The following KIAA0319L variants were observed in gnomAD, a reference collection of about 807,000 sequenced individuals.
KIAA0319L encodes dyslexia-associated protein KIAA0319-like protein.
In KIAA0319L, 55 loss-of-function variants were observed where a neutral mutation model predicts 120.1. That is an observed-to-expected ratio of 0.46 (90% CI 0.37 to 0.57). The LOEUF (loss-of-function observed/expected upper bound fraction) is 0.57. Among genes scored for constraint, KIAA0319L ranks in the 20% least tolerant of loss-of-function variants. KIAA0319L has a pLI of 0.00. For synonymous variants in KIAA0319L, 398 were observed against 471.9 expected, an observed-to-expected ratio of 0.84 and a Z score of 2.03; for missense variants, 1,049 against 1,255.3, an observed-to-expected ratio of 0.84 and a Z score of 2.48.
chr1:35,462,855 A>T, intron 7 of KIAA0319L, 142 bp from the exon 8 acceptor site: 1 of 638,000 alleles, frequency 1.6e-6, no homozygotes, highest in Non-Finnish European at 2.7e-6. Flanking sequence ...GTTTTGTGGA[A>T]GACAATTTTT....
chr1:35,501,422 C>A (rs1645001253), intron 3 of KIAA0319L, among the ~76,000 whole-genome samples: 1 of 152,184 alleles, frequency 6.6e-6, no homozygotes. Context: ...CCTGTGAAAA[C>A]CTCTTCTCCT....
At chr1:35,494,142 A>T (rs1238402374) in intron 3 of KIAA0319L, among the ~76,000 whole-genome samples, 3 of 152,148 alleles carry the variant, frequency 2.0e-5, no homozygotes, top group African/African-American at 7.2e-5. Flanking sequence ...AGTTTTAAAC[A>T]TCATCTGATT....
At chr1:35,521,730 T>C in intron 2 of KIAA0319L, among the ~76,000 whole-genome samples, 1 of 151,332 alleles carries the variant, frequency 6.6e-6, no homozygotes, top group African/African-American at 2.4e-5. Context: ...CCCAGCACTT[T>C]GGGAGGCCAA....
At chr1:35,478,230 T>C (rs1467072404) in intron 4 of KIAA0319L, among the ~76,000 whole-genome samples, 1 of 142,734 alleles carries the variant, frequency 7.0e-6, no homozygotes, top group Non-Finnish European at 1.5e-5. Flanking sequence ...GAGTAATGGT[T>C]AGATAGATGG....
chr1:35,554,465 T>C lies in KIAA0319L; in HGVS notation c.27A>G (p.Pro9=). 6.2e-7 allele frequency: 1 copy of C among 1,613,192 alleles called. No homozygotes were observed. The highest frequency in any genetic ancestry group is 8.5e-7 in the Non-Finnish European group (1 of 1,179,792). The change falls in exon 2 of 21, where the codon CCA becomes CCG. Residue 9 remains proline (P), a synonymous_variant. Transcript: ENST00000325722. Reference sequence around the variant, plus strand: ...CTGATAAAATCCAGGAAGCAGGATTTGGCTTGACTCCCAGCCTCTTCTCCA... The same window carrying C: ...CTGATAAAATCCAGGAAGCAGGATTCGGCTTGACTCCCAGCCTCTTCTCCA... The part of the protein sequence containing the change: MEKRLGVK[P]NPASWILSGY...
chr1:35,435,087 G>T lies in KIAA0319L; in HGVS notation c.2963-6C>A. On this transcript the variant is annotated splice_polypyrimidine_tract_variant and splice_region_variant and intron_variant, in intron 20 of 20. Transcript: ENST00000325722. ...AAGGCCTTTCTGTTTGATGCCTGCA[G>T]GGAAAACAAGGAATCCAGCATCAGG... 6 of 1,612,964 alleles carry T rather than the reference G, an allele frequency of 3.7e-6. No homozygotes were observed. Among genetic ancestry groups the T allele is most frequent in the Non-Finnish European group, 5.1e-6 (6 of 1,179,270 alleles).
intron 2 of KIAA0319L, among the ~76,000 whole-genome samples, chr1:35,551,798 A>G (rs1456172472): frequency 6.6e-6 from 1 of 152,156 alleles, no homozygotes; most frequent in East Asian, 1.9e-4. Context: ...TTTCTAAAAT[A>G]GAACTGGCAT....
intron 9 of KIAA0319L, among the ~76,000 whole-genome samples, chr1:35,458,302 G>A (rs1449239281): frequency 6.6e-6 from 1 of 152,084 alleles, no homozygotes; most frequent in East Asian, 1.9e-4. Flanking sequence ...ATAGACAGAC[G>A]GCAAAATGGC....
chr1:35,543,090 G>A (rs1420762676), intron 2 of KIAA0319L, among the ~76,000 whole-genome samples: 1 of 152,202 alleles, frequency 6.6e-6, no homozygotes, highest in Admixed American at 6.5e-5. Context: ...AAGTGTTTAA[G>A]CAAGACACAG....
intron 7 of KIAA0319L, among the ~76,000 whole-genome samples, chr1:35,463,177 T>C (rs992702021): frequency 6.6e-6 from 1 of 152,166 alleles, no homozygotes; most frequent in Non-Finnish European, 1.5e-5. Flanking sequence ...CATTACATAA[T>C]TAATGATTGA....
intron 2 of KIAA0319L, among the ~76,000 whole-genome samples, chr1:35,519,239 T>C (rs192365683): frequency 6.6e-6 from 1 of 152,210 alleles, no homozygotes; most frequent in African/African-American, 2.4e-5. Flanking sequence ...GAAACTAGAA[T>C]ACTCAAACAA....
chr1:35,501,083 T>C (rs1304175790), intron 3 of KIAA0319L, among the ~76,000 whole-genome samples: 1 of 152,144 alleles, frequency 6.6e-6, no homozygotes, highest in Non-Finnish European at 1.5e-5. Context: ...CCCTCATGTC[T>C]ATCCACTCTC....
rs1279998969 is a variant in KIAA0319L, at chr1:35,437,255, C to A, written c.2963-2174G>T. Among the ~76,000 whole-genome samples the A allele has an allele frequency of 6.6e-6, 1 of 152,194 alleles. No homozygotes were observed. Among genetic ancestry groups the A allele is most frequent in the Non-Finnish European group, 1.5e-5 (1 of 68,030 alleles). Reference sequence around the variant, plus strand: ...AGCGCGGCACTTCTCCGGGCCATCACCGCCCGTTTCTCCCCTCCTGCCTCA... The same window carrying A: ...AGCGCGGCACTTCTCCGGGCCATCAACGCCCGTTTCTCCCCTCCTGCCTCA... On this transcript the variant is annotated intron_variant, in intron 20 of 20. Transcript: ENST00000325722. This position sits in a 1 kb window ranked among gnomAD's most constrained non-coding sequence, Gnocchi z 4.1.
At chr1:35,520,559 A>AT (rs1027671935) in intron 2 of KIAA0319L, among the ~76,000 whole-genome samples, 1 of 152,000 alleles carries the variant, frequency 6.6e-6, no homozygotes, top group South Asian at 2.1e-4. Context: ...ACACCCAGCT[A>AT]TTTTTTTATG....
Position 35,534,873 on chromosome 1 carries a change from A to G in KIAA0319L, c.142+19477T>C, listed in dbSNP as rs1175007755. 2.6e-4 allele frequency among the ~76,000 whole-genome samples: 38 copies of G among 148,934 alleles called. 1 individual carries two copies. Among genetic ancestry groups the G allele is most frequent in the South Asian group, 2.1e-3 (10 of 4,784 alleles). ...GACTCCGTCTCAAAAAAAAAAAAAA[A>G]AAAAAAAAAAGAAAGAAAAACAATC... On this transcript the variant is annotated intron_variant, in intron 2 of 20. Transcript: ENST00000325722.
chr1:35,446,103 A>C (rs1464964690), intron 16 of KIAA0319L, among the ~76,000 whole-genome samples: 2 of 152,136 alleles, frequency 1.3e-5, no homozygotes, highest in Non-Finnish European at 1.5e-5. Flanking sequence ...TTTCCATTCT[A>C]GGTACCCAGA....
chr1:35,545,317 G>C (rs1248444201), intron 2 of KIAA0319L, among the ~76,000 whole-genome samples: 1 of 152,060 alleles, frequency 6.6e-6, no homozygotes, highest in Non-Finnish European at 1.5e-5. Context: ...ACACCAGAAA[G>C]GCCTCACCTT....
At chr1:35,483,842 A>G (rs1346287751) in intron 3 of KIAA0319L, among the ~76,000 whole-genome samples, 1 of 152,216 alleles carries the variant, frequency 6.6e-6, no homozygotes, top group East Asian at 1.9e-4. Context: ...AGGTGTTGGC[A>G]GGGCCATACT....
intron 3 of KIAA0319L, among the ~76,000 whole-genome samples, chr1:35,482,887 G>T (rs1644232620): frequency 1.3e-5 from 2 of 152,174 alleles, no homozygotes; most frequent in African/African-American, 4.8e-5. Flanking sequence ...GTGTATTTCA[G>T]TTATCATATA....
Sources: allele counts gnomAD v4.1 joint callset (sites outside exome capture counted in the v4.1 genomes callset), GRCh38; gene constraint gnomAD v4.1.1; non-coding constraint Gnocchi (gnomAD v3.1); transcripts MANE v1.5; gene names NCBI Gene and HGNC (gene_info 2026-07-23, HGNC 2026-07-21).